Variants in SETD5 observed in about 807,000 individuals in gnomAD.
SETD5 encodes the protein histone-lysine N-methyltransferase SETD5.
In SETD5, 44 loss-of-function variants were observed where a neutral mutation model predicts 153.3. The ratio of observed to expected loss-of-function variants is 0.29; its 90% confidence interval spans 0.23 to 0.37. SETD5 has a LOEUF of 0.37. SETD5 is among the 10% of genes least tolerant of loss of function. The pLI, the probability that SETD5 is intolerant of heterozygous loss-of-function variation, is 1.00. For missense variants in SETD5, 1,544 were observed against 1,768.0 expected (o/e 0.87, Z 2.27); for synonymous variants, 716 against 645.2 (o/e 1.11, Z -1.66).
At chr3:9,448,246 T>C (rs960270654) in intron 15 of SETD5, 142 bp from the exon 16 acceptor site, 1 of 1,317,406 alleles carries the variant, frequency 7.6e-7, no homozygotes, top group African/African-American at 1.5e-5. Context: ...TGAAGGAAGA[T>C]ATCCTTGTGT....
At chr3:9,429,611 A>G (rs891836110) in intron 3 of SETD5, among the ~76,000 whole-genome samples, 7 of 150,984 alleles carry the variant, frequency 4.6e-5, no homozygotes, top group South Asian at 2.1e-4. Flanking sequence ...CAAAGGCCCA[A>G]TCCCTAAAAT....
chr3:9,447,426 G>T, intron 14 of SETD5, 119 bp downstream of exon 14: 1 of 1,367,998 alleles, frequency 7.3e-7, no homozygotes. Flanking sequence ...AATAAATAAG[G>T]CCATTAACTG....
In SETD5 at chr3:9,431,520, G is replaced by C. The variant is rs895510724; in HGVS notation, c.72-2325G>C. On this transcript the variant is annotated intron_variant, in intron 3 of 22. Transcript: ENST00000402198. ...TAGGAAATCTTGTAGTTACCTGTAA[G>C]TGTCTAACTGTGTATTCAATCAGTA... The C allele has an allele frequency of 1.7e-5, 17 of 976,536 alleles. No homozygotes were observed. In the African/African-American group the frequency reaches 2.3e-4, roughly 13 times the overall value. The allele number at this position is 976,536 out of a possible 1,614,324, so 60.5% of individuals were successfully genotyped here.
At chr3:9,427,514 C>T (rs1405789174) in intron 2 of SETD5, among the ~76,000 whole-genome samples, 3 of 152,358 alleles carry the variant, frequency 2.0e-5, no homozygotes, top group Non-Finnish European at 4.4e-5. Context: ...TGCGCCATTA[C>T]ACTTCAGTCT....
chr3:9,460,308 CAT>C (rs941355597), intron 17 of SETD5, among the ~76,000 whole-genome samples: 14 of 150,972 alleles, frequency 9.3e-5, no homozygotes, highest in South Asian at 2.1e-4. Context: ...CTTAATTAGA[CAT>C]GTGGTATATA....
intron 15 of SETD5, 131 bp from the exon 16 acceptor site, chr3:9,448,257 T>A: frequency 7.3e-7 from 1 of 1,372,666 alleles, no homozygotes; most frequent in Non-Finnish European, 9.7e-7. Context: ...ATCCTTGTGT[T>A]CTAGTTGCTC....
chr3:9,445,965 G>GTTTTTTTTTTTTTTTTTTTTTTTT (rs376821559), intron 13 of SETD5, among the ~76,000 whole-genome samples: 3 of 86,458 alleles, frequency 3.5e-5, no homozygotes, highest in African/African-American at 9.4e-5. Context: ...TGAAGAGGTT[G>GTTTTTTTTTTTTTTTTTTTTTTTT]TTTTTTTTTT....
At chr3:9,420,778 T>C (rs1313844608) in intron 1 of SETD5, among the ~76,000 whole-genome samples, 1 of 152,206 alleles carries the variant, frequency 6.6e-6, no homozygotes, top group Non-Finnish European at 1.5e-5. Flanking sequence ...AGTTCATCTC[T>C]TTGTTTTCCA....
intron 1 of SETD5, among the ~76,000 whole-genome samples, chr3:9,407,799 G>C (rs771348166): frequency 2.0e-5 from 3 of 152,098 alleles, no homozygotes; most frequent in Non-Finnish European, 4.4e-5. Flanking sequence ...TCTGGAGTTC[G>C]AGAGCAGCCT....
At chr3:9,468,414 G>A (rs752858872) in intron 18 of SETD5, 13 of 990,568 alleles carry the variant, frequency 1.3e-5, no homozygotes, top group Admixed American at 5.4e-5. Flanking sequence ...CCCCGCCCCC[G>A]AAAAAAGTTA....
At chr3:9,463,666 T>C (rs1433229147) in intron 17 of SETD5, among the ~76,000 whole-genome samples, 1 of 152,188 alleles carries the variant, frequency 6.6e-6, no homozygotes, top group Non-Finnish European at 1.5e-5. Flanking sequence ...GGGCTAGACA[T>C]GGATCAAGGA....
At chr3:9,402,326 A>G (rs112833191) in intron 1 of SETD5, among the ~76,000 whole-genome samples, 28 of 152,240 alleles carry the variant, frequency 1.8e-4, no homozygotes, top group African/African-American at 5.5e-4. Flanking sequence ...AATGAAGGTA[A>G]GCTCAGTCTG....
chr3:9,397,615 A>T lies in SETD5; in HGVS notation c.-539A>T. Reference sequence around the variant, plus strand: ...CGGCGCTGGGAATCCCCGTGCGGTCAGTGGCGTTTCCGCTCGGGCAGCGGG... The same window carrying T: ...CGGCGCTGGGAATCCCCGTGCGGTCTGTGGCGTTTCCGCTCGGGCAGCGGG... On this transcript the variant is annotated 5_prime_UTR_variant, in exon 1 of 23. Transcript: ENST00000402198. 5.8e-6 allele frequency: 1 copy of T among 173,252 alleles called. No homozygotes were observed. Among genetic ancestry groups the T allele is most frequent in the Non-Finnish European group, 1.2e-5 (1 of 85,292 alleles). The allele number at this position is 173,252 out of a possible 1,614,324, so 10.7% of individuals were successfully genotyped here. A position where few individuals can be genotyped will look rare whatever the true frequency, so the allele number is the denominator to read the frequency against.
At chr3:9,405,124 A>G (rs1270117436) in intron 1 of SETD5, among the ~76,000 whole-genome samples, 1 of 152,172 alleles carries the variant, frequency 6.6e-6, no homozygotes. Context: ...AGATTTTGTA[A>G]CTTCTGTATC....
chr3:9,401,200 G>C (rs900761749), intron 1 of SETD5, among the ~76,000 whole-genome samples: 2 of 152,152 alleles, frequency 1.3e-5, no homozygotes, highest in African/African-American at 4.8e-5. Flanking sequence ...ATTTTAGGAG[G>C]TTCCAATTCT....
chr3:9,468,004 C>A (rs2044815599), intron 18 of SETD5, among the ~76,000 whole-genome samples: 5 of 151,402 alleles, frequency 3.3e-5, no homozygotes, highest in Admixed American at 2.6e-4. Context: ...TGGCCATCTC[C>A]CTAACCATGT....
rs556857865 is a variant in SETD5 at position 9,460,965 on chromosome 3, G to GT, written c.2477-3457dup. On this transcript the variant is annotated intron_variant, in intron 17 of 22. Coordinates refer to ENST00000402198, the MANE Select transcript of SETD5 (RefSeq NM_001080517.3). ...TCAGAAGCAGAAAATAAAGTGATCCGTTTGACTAAATAGAAACAAAACATA... is the reference window on the plus strand; with the variant it reads ...TCAGAAGCAGAAAATAAAGTGATCCGTTTTGACTAAATAGAAACAAAACATA... Among the ~76,000 whole-genome samples, 24 of 152,182 alleles carry GT rather than the reference G, an allele frequency of 1.6e-4. No homozygotes were observed. The East Asian group carries it at 3.5e-3, about 22-fold the overall frequency.
chr3:9,467,199 C>CAAAAAAAAAAAAAAAAA (rs35894304), intron 18 of SETD5, among the ~76,000 whole-genome samples: 1 of 40,860 alleles, frequency 2.4e-5, no homozygotes, highest in Non-Finnish European at 5.4e-5. Flanking sequence ...GACTCTCTCT[C>CAAAAAAAAAAAAAAAAA]AAAAAAAAAA....
rs377361563 is a variant in SETD5 at position 9,458,349 on chromosome 3, C to T, written c.2476+4481C>T. Among the ~76,000 whole-genome samples, 10 of 152,250 alleles carry T rather than the reference C, an allele frequency of 6.6e-5. No individual in the cohort carries two copies. The East Asian group carries it at 1.4e-3, about 21-fold the overall frequency. On this transcript the variant is annotated intron_variant, in intron 17 of 22. Transcript: ENST00000402198. ...TTCAAACTTGGGCCTGGCATGGTGA[C>T]TCTCACCTGCAATTTCCAGCTCTTT...
Sources: gnomAD v4.1 joint callset for allele counts (sites outside exome capture counted in the v4.1 genomes callset) on GRCh38, gnomAD v4.1.1 for gene constraint, MANE v1.5 for transcripts, NCBI Gene and HGNC (gene_info 2026-07-23, HGNC 2026-07-21) for gene names.